DIAPH3: variants seen among roughly 807,000 people sequenced by gnomAD.
DIAPH3 encodes protein diaphanous homolog 3.
A neutral mutation model predicts 144.3 loss-of-function variants in DIAPH3; 117 were observed. That is an observed-to-expected ratio of 0.81 (90% confidence interval 0.70 to 0.95). DIAPH3 has a LOEUF of 0.95. DIAPH3 is among the 40% of genes least tolerant of loss of function. DIAPH3 has a pLI of 0.00. For missense variants in DIAPH3, 1,421 were observed against 1,412.7 expected (o/e 1.01, Z -0.09); for synonymous variants, 519 against 488.9 (o/e 1.06, Z -0.81).
intron 5 of DIAPH3, 73 bp downstream of exon 5, chr13:60,042,617 A>T: frequency 6.3e-7 from 1 of 1,588,988 alleles, no homozygotes; most frequent in South Asian, 1.1e-5. Flanking sequence ...ACCAGGCAAA[A>T]TGAAAAAAAG....
At chr13:59,874,808 G>T (rs2044509254) in intron 21 of DIAPH3, among the ~76,000 whole-genome samples, 1 of 152,174 alleles carries the variant, frequency 6.6e-6, no homozygotes, top group South Asian at 2.1e-4. Flanking sequence ...TAGGAAGTCA[G>T]TTGATTCAAT....
chr13:59,666,990 AAGAC>A (rs1231727866), intron 27 of DIAPH3, 144 bp from the exon 28 acceptor site: 115 of 1,019,458 alleles, frequency 1.1e-4, no homozygotes, highest in Non-Finnish European at 1.4e-5. Flanking sequence ...TCAACAGAGT[AAGAC>A]AGGTTTAAAA....
intron 4 of DIAPH3, among the ~76,000 whole-genome samples, chr13:60,053,458 G>T (rs780100597): frequency 3.3e-5 from 5 of 152,050 alleles, no homozygotes; most frequent in Admixed American, 6.6e-5. Flanking sequence ...AGAAAGAAAA[G>T]TACATAGATT....
intron 27 of DIAPH3, among the ~76,000 whole-genome samples, chr13:59,684,489 C>T (rs1025313210): frequency 2.6e-5 from 4 of 152,204 alleles, no homozygotes; most frequent in Non-Finnish European, 5.9e-5. Context: ...TGGAACAATG[C>T]TCTTCATCTG....
intron 4 of DIAPH3, among the ~76,000 whole-genome samples, chr13:60,088,873 C>T (rs1265549232): frequency 6.6e-6 from 1 of 152,146 alleles, no homozygotes; most frequent in Non-Finnish European, 1.5e-5. Flanking sequence ...CCACCCGCCT[C>T]GGCCTCCCAA....
intron 17 of DIAPH3, among the ~76,000 whole-genome samples, chr13:59,942,595 C>T (rs942044490): frequency 6.6e-6 from 1 of 152,118 alleles, no homozygotes; most frequent in Admixed American, 6.6e-5. Flanking sequence ...TTTCCCCACA[C>T]ATTAATACAA....
chr13:59,992,144 T>C lies in DIAPH3; in HGVS notation c.1168A>G (p.Lys390Glu), dbSNP rs2051862614. The C allele has an allele frequency of 6.2e-7, 1 of 1,611,948 alleles. No individual in the cohort carries two copies. Residue 390 changes from lysine to glutamate, a missense_variant, in exon 11 of 28, where the codon AAA becomes GAA. Physicochemically the swap from Lys to Glu is moderately conservative, Grantham distance 56 (BLOSUM62 1). Coordinates refer to ENST00000400324, the MANE Select transcript of DIAPH3 (RefSeq NM_001042517.2). ...TCTTCTTTATGCTCATCAAAGACTTTAAGTTGGATATCCAGGCCATCATTC... is the reference window on the plus strand; with the variant it reads ...TCTTCTTTATGCTCATCAAAGACTTCAAGTTGGATATCCAGGCCATCATTC... Reference protein sequence around the residue: ...IKNDGLDIQLKVFDEHKEEDL... With the variant: ...IKNDGLDIQLEVFDEHKEEDL...
At position 59,666,539 on chromosome 13, in the gene DIAPH3, G is replaced by C; in HGVS notation, c.*45C>G. 1 of 1,610,774 alleles carries C rather than the reference G, an allele frequency of 6.2e-7. No individual in the cohort carries two copies. The highest frequency in any genetic ancestry group is 8.5e-7 in the Non-Finnish European group (1 of 1,178,414). On this transcript the variant is annotated 3_prime_UTR_variant, in exon 28 of 28. Coordinates refer to ENST00000400324, the MANE Select transcript of DIAPH3 (RefSeq NM_001042517.2). ...TTTCAAGTGTTATAGTTTAGAGCAT[G>C]GCTTTATATTTGGCTTAATCATTTT...
At chr13:59,857,010 C>T (rs772408965) in intron 22 of DIAPH3, among the ~76,000 whole-genome samples, 5 of 151,996 alleles carry the variant, frequency 3.3e-5, no homozygotes, top group African/African-American at 9.7e-5. Context: ...ACAACCTCCA[C>T]GACATAATGA....
chr13:60,106,603 A>T (rs2058428291), intron 3 of DIAPH3, among the ~76,000 whole-genome samples: 2 of 152,158 alleles, frequency 1.3e-5, no homozygotes, highest in African/African-American at 4.8e-5. Flanking sequence ...GTCTAGGACA[A>T]GATATTTGCA....
At chr13:59,908,997 T>C (rs2046866833) in intron 20 of DIAPH3, among the ~76,000 whole-genome samples, 1 of 152,206 alleles carries the variant, frequency 6.6e-6, no homozygotes, top group Admixed American at 6.5e-5. Context: ...ATTTCTAATG[T>C]ACTTTAAATC....
rs1336909846 is a variant in DIAPH3 at position 59,993,331 on chromosome 13, GAA to G, written c.1015-750_1015-749del. On this transcript the variant is annotated intron_variant, in intron 9 of 27. Transcript: ENST00000400324. ...TTCATCCTCCAAAATCCATAAAATG[GAA>G]ACAAAAGACAGTCTTTCTAGAGAAG... Among the ~76,000 whole-genome samples the G allele has an allele frequency of 2.6e-5, 4 of 151,754 alleles. No individual in the cohort carries two copies. The East Asian group carries it at 7.8e-4, about 30-fold the overall frequency.
In DIAPH3 at chr13:60,042,804, C is replaced by G. The variant is rs2055780224; in HGVS notation, c.512G>C (p.Ser171Thr). Residue 171 changes from serine (S) to threonine (T), a missense_variant, in exon 5 of 28, where the codon AGC (serine) becomes ACC (threonine). Ser to Thr is a moderately conservative substitution (Grantham distance 58, BLOSUM62 1). Transcript: ENST00000400324. ...GAATTCCTGAGGTGAGATCTGTCGG[C>G]TTCTCTTAAGACTTCCCTATAAAAT... ...TASKTGSLKR[S>T]RQISPQEFIH... The G allele has an allele frequency of 6.2e-7, 1 of 1,613,356 alleles. No homozygotes were observed. Among genetic ancestry groups the G allele is most frequent in the Non-Finnish European group, 8.5e-7 (1 of 1,179,572 alleles).
In DIAPH3 at chr13:60,012,997, T is replaced by C. The variant is rs905625772; in HGVS notation, c.772-2328A>G. On this transcript the variant is annotated intron_variant, in intron 7 of 27. Coordinates refer to ENST00000400324, the MANE Select transcript of DIAPH3 (RefSeq NM_001042517.2). ...ATTACTCTCAATTATTTAAAAAACA[T>C]AGCAAAACAAAACAAAAACTGTTGA... 3 of 985,170 alleles carry C rather than the reference T, an allele frequency of 3.0e-6. No individual in the cohort carries two copies. The South Asian group carries it at 1.4e-4, about 46-fold the overall frequency. The allele number at this position is 985,170 out of a possible 1,614,324, so 61.0% of individuals were successfully genotyped here. A position where few individuals can be genotyped will look rare whatever the true frequency, so the allele number is the denominator to read the frequency against.
chr13:59,713,117 G>A (rs554575509), intron 27 of DIAPH3, among the ~76,000 whole-genome samples: 24 of 152,250 alleles, frequency 1.6e-4, no homozygotes, highest in Non-Finnish European at 2.6e-4. Context: ...CTGCTAACCA[G>A]TACCTATCTG....
At chr13:60,114,355 A>G (rs2058648516) in intron 2 of DIAPH3, among the ~76,000 whole-genome samples, 10 of 152,124 alleles carry the variant, frequency 6.6e-5, no homozygotes, top group Admixed American at 6.5e-4. Context: ...AGTAACCTGG[A>G]CATAGCTGAG....
intron 17 of DIAPH3, among the ~76,000 whole-genome samples, chr13:59,957,909 T>C (rs1424274651): frequency 6.6e-6 from 1 of 152,174 alleles, no homozygotes; most frequent in Non-Finnish European, 1.5e-5. Flanking sequence ...ACTGTCCCAC[T>C]GTGACCTGTG....
chr13:59,964,640 C>T (rs1188037760), intron 17 of DIAPH3, among the ~76,000 whole-genome samples: 2 of 152,064 alleles, frequency 1.3e-5, no homozygotes, highest in African/African-American at 2.4e-5. Context: ...GTTCCCATTT[C>T]GCTAAAGCTT....
chr13:60,100,667 C>A (rs1158673645), intron 3 of DIAPH3, among the ~76,000 whole-genome samples: 2 of 150,998 alleles, frequency 1.3e-5, no homozygotes, highest in Non-Finnish European at 2.9e-5. Context: ...TTCTATAAGT[C>A]TAAAATTATT....
Sources: allele counts gnomAD v4.1 joint callset (sites outside exome capture counted in the v4.1 genomes callset), GRCh38; gene constraint gnomAD v4.1.1; transcripts MANE v1.5; gene names NCBI Gene and HGNC (gene_info 2026-07-23, HGNC 2026-07-21).